RNF213: variants seen among roughly 807,000 people sequenced by gnomAD.
RNF213 encodes ring finger protein 213, also known as E3 ubiquitin-protein ligase RNF213.
RNF213 carries 341 observed loss-of-function variants against 514.4 expected under a neutral mutation model. The ratio of observed to expected loss-of-function variants is 0.66; its 90% CI spans 0.61 to 0.73. The LOEUF is 0.73. Ranked by LOEUF, RNF213 falls within the 30% of genes least tolerant of loss-of-function variation. The pLI is 0.00. For missense variants in RNF213, 5,767 were observed against 6,615.6 expected, an observed-to-expected ratio of 0.87 and a Z score of 4.45; for synonymous variants, 2,655 against 2,658.2, an observed-to-expected ratio of 1.00 and a Z score of 0.04.
At chr17:80,270,584 G>T (rs1432602479) in intron 2 of RNF213, among the ~76,000 whole-genome samples, 2 of 152,198 alleles carry the variant, frequency 1.3e-5, no homozygotes, top group Admixed American at 1.3e-4. Context: ...CAGGGCCTCC[G>T]TTCTGATTTC....
Position 80,377,860 on chromosome 17 carries a change from G to A in RNF213, c.13545+64G>A. 7 of 1,577,138 alleles carry A rather than the reference G, an allele frequency of 4.4e-6. No individual in the cohort carries two copies. Among genetic ancestry groups the A allele is most frequent in the Non-Finnish European group, 6.1e-6 (7 of 1,146,624 alleles). On this transcript the variant is annotated intron_variant, in intron 54 of 67. Coordinates refer to ENST00000582970, the MANE Select transcript of RNF213 (RefSeq NM_001256071.3). The surrounding 1 kb of genome is among the most constrained non-coding windows in gnomAD (Gnocchi z 4.1). ...GTGCACTCCTGGGTTGGAGGAGGGG[G>A]ATCGTGGGTCAGGAGAGTGAGGCTC...
intron 36 of RNF213, chr17:80,355,328 A>T: frequency 2.2e-6 from 1 of 447,078 alleles, no homozygotes; most frequent in Non-Finnish European, 4.5e-6. Flanking sequence ...GGTGAACGGT[A>T]ATGGGGGCTT....
chr17:80,285,739 C>T (rs896849451), intron 3 of RNF213, among the ~76,000 whole-genome samples: 7 of 149,724 alleles, frequency 4.7e-5, no homozygotes, highest in South Asian at 2.2e-4. Flanking sequence ...TGCGTAATAT[C>T]GGCTGACCGC....
intron 2 of RNF213, 132 bp from the exon 3 acceptor site, chr17:80,273,106 TAGC>T: frequency 1.7e-6 from 2 of 1,187,492 alleles, no homozygotes; most frequent in Non-Finnish European, 2.5e-6. Context: ...CTGCTCATGT[TAGC>T]AGGCCCAATG....
At chr17:80,312,053 A>C (rs1228499753) in intron 14 of RNF213, among the ~76,000 whole-genome samples, 1 of 152,116 alleles carries the variant, frequency 6.6e-6, no homozygotes, top group Non-Finnish European at 1.5e-5. Context: ...ACTTGAACCC[A>C]GGAGGTGGAG....
intron 46 of RNF213, among the ~76,000 whole-genome samples, chr17:80,371,047 C>G (rs2079497863): frequency 6.6e-6 from 1 of 151,826 alleles, no homozygotes; most frequent in African/African-American, 2.4e-5. Context: ...ATGTGTCAAC[C>G]TTTACAAGAC....
At chr17:80,298,282 G>T in intron 10 of RNF213, 39 bp from the exon 11 acceptor site, 1 of 1,606,988 alleles carries the variant, frequency 6.2e-7, no homozygotes. Flanking sequence ...TGACTCCCTG[G>T]CCAGCTCAGC....
intron 13 of RNF213, among the ~76,000 whole-genome samples, chr17:80,308,158 G>A (rs1028548171): frequency 6.6e-6 from 1 of 152,046 alleles, no homozygotes; most frequent in Non-Finnish European, 1.5e-5. Context: ...GCGATGGGAT[G>A]GGTGTTGTCT....
chr17:80,334,323 C>A, intron 22 of RNF213, 53 bp downstream of exon 22: 1 of 1,494,444 alleles, frequency 6.7e-7, no homozygotes, highest in Non-Finnish European at 8.9e-7. Flanking sequence ...TTTCAGATGG[C>A]GCACTGTGTG....
rs771548492 is a variant in RNF213 at position 80,363,791 on chromosome 17, G to A, written c.11750+1G>A. 6.2e-7 allele frequency: 1 copy of A among 1,612,696 alleles called. No homozygotes were observed. Among genetic ancestry groups the A allele is most frequent in the Non-Finnish European group, 8.5e-7 (1 of 1,179,918 alleles). On this transcript the variant is annotated splice_donor_variant, in intron 41 of 67. Coordinates refer to ENST00000582970, the MANE Select transcript of RNF213 (RefSeq NM_001256071.3). LOFTEE classifies it high-confidence loss of function. ...CCCAGGCTGTCATCAGGGAAGTCAG[G>A]TGAGACCCAGGAGCCCTCACCCACT...
intron 42 of RNF213, 146 bp downstream of exon 42, chr17:80,364,699 C>A: frequency 1.1e-6 from 1 of 885,982 alleles, no homozygotes; most frequent in Non-Finnish European, 1.8e-6. Context: ...GATTTCATCA[C>A]TAGGCCATTA....
chr17:80,341,729 C>T (rs547889652), intron 26 of RNF213: 1 of 151,992 alleles, frequency 6.6e-6, no homozygotes, highest in African/African-American at 2.4e-5. Context: ...CGGGGCAAGG[C>T]CTTGGTCTTT....
At chr17:80,313,244 A>C (rs2045632056) in intron 15 of RNF213, 77 bp downstream of exon 15, 1 of 1,580,630 alleles carries the variant, frequency 6.3e-7, no homozygotes. Context: ...CATGGGGTAC[A>C]GGCTGCTGGC....
chr17:80,390,224 G>T, intron 67 of RNF213, 28 bp downstream of exon 67: 1 of 1,608,320 alleles, frequency 6.2e-7, no homozygotes, highest in Non-Finnish European at 8.5e-7. Flanking sequence ...TATGGGGCGG[G>T]GCAGACACAA....
At chr17:80,361,400 G>A (rs4890015) in intron 38 of RNF213, among the ~76,000 whole-genome samples, 87,888 of 151,874 alleles carry the variant, frequency 0.58, 26,786 homozygotes, top group Non-Finnish European at 0.69. Flanking sequence ...CATGCCTGTA[G>A]TCCCAGCTAC....
rs1356745939 is a variant in RNF213, at chr17:80,273,518, C to T, written c.261+114C>T. 2.9e-6 allele frequency: 4 copies of T among 1,363,938 alleles called. No individual in the cohort carries two copies. The African/African-American group carries it at 5.8e-5, about 20-fold the overall frequency. 84.5% of individuals were successfully genotyped at this position (1,363,938 alleles called of 1,614,324 possible). On this transcript the variant is annotated intron_variant, in intron 3 of 67. Transcript: ENST00000582970. ...TGCCACCATGGCCCAGCCCATTGAACCTGCCCACAGGGCAGCAGCAGAGCT... is the reference window on the plus strand; with the variant it reads ...TGCCACCATGGCCCAGCCCATTGAATCTGCCCACAGGGCAGCAGCAGAGCT...
At chr17:80,309,742 GT>G (rs368645346) in intron 14 of RNF213, among the ~76,000 whole-genome samples, 2 of 148,566 alleles carry the variant, frequency 1.3e-5, no homozygotes, top group African/African-American at 2.5e-5. Flanking sequence ...CCATGGATCA[GT>G]TTTTTTTTTG....
rs2079781858 is a variant in RNF213, at chr17:80,376,899, C to G, written c.13446C>G (p.Thr4482=). The change falls in exon 53 of 68, where the codon ACC becomes ACG. Residue 4482 remains threonine (T), a synonymous_variant. Coordinates refer to ENST00000582970, the MANE Select transcript of RNF213 (RefSeq NM_001256071.3). ...TTTTTCAGCATGCTTTTCTTCCAAC[C>G]ATGCCTGAAGACTTGCTGGCTCAAG... ...PATMAHAFLP[T]MPEDLLAQAR... is the part of the protein sequence containing the mutation. 1 of 1,614,090 alleles carries G rather than the reference C, an allele frequency of 6.2e-7. No individual in the cohort carries two copies. The highest frequency in any genetic ancestry group is 2.2e-5 in the East Asian group (1 of 44,884).
Position 80,291,801 on chromosome 17 carries a change from T to C in RNF213, c.1445T>C (p.Ile482Thr). Residue 482 changes from isoleucine (I) to threonine (T), a missense_variant, in exon 8 of 68, where the codon ATA (isoleucine) becomes ACA (threonine). Ile to Thr is a moderately conservative substitution (Grantham distance 89). Transcript: ENST00000582970. The part of the protein sequence containing the change: ...KGEYVNRCLF[I>T]KSSLLGSGDW... ...GAGTACGTCAACCGCTGTCTGTTCA[T>C]AAAATCTTCACTTCTGGGCTCAGGA... The C allele has an allele frequency of 6.2e-7, 1 of 1,614,202 alleles. No individual in the cohort carries two copies. Among genetic ancestry groups the C allele is most frequent in the Non-Finnish European group, 8.5e-7 (1 of 1,180,044 alleles).
Sources: gnomAD v4.1 joint callset for allele counts (sites outside exome capture counted in the v4.1 genomes callset) on GRCh38, gnomAD v4.1.1 for gene constraint, Gnocchi (gnomAD v3.1) non-coding constraint, MANE v1.5 for transcripts, NCBI Gene and HGNC (gene_info 2026-07-23, HGNC 2026-07-21) for gene names.